Variants in SERPINB2 observed in about 807,000 individuals in gnomAD.
SERPINB2 encodes plasminogen activator inhibitor 2.
In SERPINB2, 28 loss-of-function variants were observed where a neutral mutation model predicts 39.4. The observed-to-expected ratio is 0.71, with a 90% CI of 0.53 to 0.97. The LOEUF (loss-of-function observed/expected upper bound fraction) is 0.97, where lower values mean the gene tolerates loss of function less well. SERPINB2 is among the 50% of genes least tolerant of loss of function. The pLI is 0.00. For missense variants in SERPINB2, 557 were observed against 505.3 expected (o/e 1.10, Z -0.98); for synonymous variants, 209 against 175.1 (o/e 1.19, Z -1.53).
intron 1 of SERPINB2, among the ~76,000 whole-genome samples, chr18:63,888,787 C>A (rs2049907986): frequency 6.6e-6 from 1 of 152,144 alleles, no homozygotes; most frequent in Admixed American, 6.5e-5. Flanking sequence ...TACTATTAAA[C>A]CTTAATTAAG....
intron 5 of SERPINB2, among the ~76,000 whole-genome samples, chr18:63,898,802 G>C (rs1359453736): frequency 1.3e-5 from 2 of 152,160 alleles, no homozygotes; most frequent in African/African-American, 4.8e-5. Context: ...CCTGGGGGGA[G>C]ATTTCCAGAC....
intron 2 of SERPINB2, among the ~76,000 whole-genome samples, chr18:63,893,517 A>G (rs2049940212): frequency 6.6e-6 from 1 of 151,986 alleles, no homozygotes; most frequent in Non-Finnish European, 1.5e-5. Flanking sequence ...TGTTAATATG[A>G]TTGCTTCCCA....
chr18:63,903,309 T>G lies in SERPINB2; in HGVS notation c.*4T>G. Reference sequence around the variant, plus strand: ...CGGCAGATTTTCCTCACCCTAAAACTAAGCGTGCTGCTTCTGCAAAAGATT... The same window carrying G: ...CGGCAGATTTTCCTCACCCTAAAACGAAGCGTGCTGCTTCTGCAAAAGATT... On this transcript the variant is annotated 3_prime_UTR_variant, in exon 8 of 8. Coordinates refer to ENST00000299502, the MANE Select transcript of SERPINB2 (RefSeq NM_002575.3). 6.7e-7 allele frequency: 1 copy of G among 1,483,412 alleles called. No homozygotes were observed. The highest frequency in any genetic ancestry group is 9.0e-7 in the Non-Finnish European group (1 of 1,116,898). 91.9% of individuals were successfully genotyped at this position (1,483,412 alleles called of 1,614,324 possible).
At chr18:63,899,659 C>T (rs573588484) in intron 5 of SERPINB2, among the ~76,000 whole-genome samples, 23 of 152,272 alleles carry the variant, frequency 1.5e-4, no homozygotes, top group South Asian at 8.3e-4. Flanking sequence ...CCACTGGTAG[C>T]GGTAAAGCCA....
Position 63,903,155 on chromosome 18 carries a change from C to T in SERPINB2, c.1098C>T (p.Gly366=), listed in dbSNP as rs928293570. 6.2e-7 allele frequency: 1 copy of T among 1,613,586 alleles called. No homozygotes were observed. The part of the protein sequence containing the change: ...HQAMVDVNEE[G]TEAAAGTGGV... ...CCATGGTGGATGTGAATGAGGAGGG[C>T]ACTGAAGCAGCCGCTGGCACAGGAG... The change falls in exon 8 of 8, where the codon GGC becomes GGT. Residue 366 remains glycine (G), a synonymous_variant. Transcript: ENST00000299502.
At chr18:63,895,099 C>A (rs1394563579) in intron 2 of SERPINB2, among the ~76,000 whole-genome samples, 165 bp from the exon 3 acceptor site, 1 of 152,124 alleles carries the variant, frequency 6.6e-6, no homozygotes, top group Non-Finnish European at 1.5e-5. Flanking sequence ...TTGGCTGATA[C>A]TTTTATATTA....
At chr18:63,902,798 T>C (rs1323620801) in intron 7 of SERPINB2, 103 bp from the exon 8 acceptor site, 25 of 1,275,568 alleles carry the variant, frequency 2.0e-5, no homozygotes, top group Non-Finnish European at 2.5e-5. Context: ...ACCCACAATA[T>C]AGTAAAGTCA....
Position 63,897,780 on chromosome 18 carries a change from C to T in SERPINB2, c.471C>T (p.Asp157=), listed in dbSNP as rs6106. ...ACTCCTCAGAACCCCAGGCAGTAGA[C>T]TTCCTAGAATGTGCAGAAGAAGCTA... ...KYYSSEPQAV[D]FLECAEEARK... Residue 157 remains aspartate (D), a synonymous_variant, in exon 5 of 8, where the codon GAC becomes GAT. Coordinates refer to ENST00000299502, the MANE Select transcript of SERPINB2 (RefSeq NM_002575.3). The T allele has an allele frequency of 0.011, 17,185 of 1,613,330 alleles. 1,524 individuals carry two copies. In the African/African-American group the frequency reaches 0.19, roughly 18 times the overall value.
chr18:63,897,678 T>C (rs1372971339), intron 4 of SERPINB2, 49 bp from the exon 5 acceptor site: 16 of 1,219,334 alleles, frequency 1.3e-5, no homozygotes, highest in Non-Finnish European at 1.9e-5. Flanking sequence ...ATGCCATGGC[T>C]TGTTTGGTAT....
chr18:63,894,374 C>A (rs1324211219), intron 2 of SERPINB2, among the ~76,000 whole-genome samples: 2 of 152,166 alleles, frequency 1.3e-5, no homozygotes, highest in African/African-American at 4.8e-5. Context: ...CTCCTTCTAG[C>A]CCAGAAATTC....
intron 3 of SERPINB2, among the ~76,000 whole-genome samples, chr18:63,896,763 C>T (rs926461669): frequency 6.6e-6 from 1 of 152,126 alleles, no homozygotes; most frequent in African/African-American, 2.4e-5. Context: ...AGAACTTATC[C>T]ATCTTATAAA....
At position 63,903,478 on chromosome 18, in the gene SERPINB2, T is replaced by C. The variant is rs1250930528; in HGVS notation, c.*173T>C. On this transcript the variant is annotated 3_prime_UTR_variant, in exon 8 of 8. Coordinates refer to ENST00000299502, the MANE Select transcript of SERPINB2 (RefSeq NM_002575.3). ...GAAATAATTAGACAATTGTCTATTA[T>C]AACATGACAACCCTATTAATCATTT... is the stretch of plus-strand genomic sequence containing the variant. The C allele has an allele frequency of 1.9e-6, 1 of 523,166 alleles. No homozygotes were observed. The highest frequency in any genetic ancestry group is 3.5e-5 in the East Asian group (1 of 28,456). The allele number at this position is 523,166 out of a possible 1,614,324, so 32.4% of individuals were successfully genotyped here.
At chr18:63,896,255 G>A (rs2049958752) in intron 3 of SERPINB2, among the ~76,000 whole-genome samples, 1 of 152,130 alleles carries the variant, frequency 6.6e-6, no homozygotes, top group South Asian at 2.1e-4. Context: ...CCATCAGGAG[G>A]GCTCTGTCCC....
chr18:63,902,037 G>A (rs2049994883), intron 6 of SERPINB2, among the ~76,000 whole-genome samples, 155 bp downstream of exon 6: 2 of 152,176 alleles, frequency 1.3e-5, no homozygotes, highest in Non-Finnish European at 1.5e-5. Context: ...TATAGGTAAA[G>A]GGGAAGACTG....
intron 3 of SERPINB2, among the ~76,000 whole-genome samples, chr18:63,896,323 A>C (rs537953394): frequency 6.6e-6 from 1 of 152,272 alleles, no homozygotes; most frequent in Admixed American, 6.5e-5. Context: ...GGTGCTTACA[A>C]ACTTCAGTTT....
At chr18:63,901,049 C>A (rs2049988143) in intron 5 of SERPINB2, among the ~76,000 whole-genome samples, 1 of 152,064 alleles carries the variant, frequency 6.6e-6, no homozygotes, top group Non-Finnish European at 1.5e-5. Flanking sequence ...GCTTCTTAAA[C>A]CAATTTCATT....
intron 3 of SERPINB2, among the ~76,000 whole-genome samples, chr18:63,896,816 A>G (rs1169224060): frequency 6.6e-6 from 1 of 152,226 alleles, no homozygotes; most frequent in African/African-American, 2.4e-5. Flanking sequence ...TAGGAAACTG[A>G]GAAGGGGCCT....
rs1599064750 is a variant in SERPINB2 at position 63,901,998 on chromosome 18, T to C, written c.678+116T>C. 2.1e-5 allele frequency: 21 copies of C among 990,754 alleles called. No homozygotes were observed. The East Asian group carries it at 4.3e-4, about 20-fold the overall frequency. 61.4% of individuals were successfully genotyped at this position (990,754 alleles called of 1,614,324 possible). A position where few individuals can be genotyped will look rare whatever the true frequency, so the allele number is the denominator to read the frequency against. On this transcript the variant is annotated intron_variant, in intron 6 of 7. Coordinates refer to ENST00000299502, the MANE Select transcript of SERPINB2 (RefSeq NM_002575.3). ...CTTGCTAGTTAGAAGTTATGCATGT[T>C]GGACAGTTGATTGACTCTTTAGAAA...
chr18:63,903,807 A>G lies in SERPINB2; in HGVS notation c.*502A>G, dbSNP rs2050009983. ...GCAAATATATGTTATGTGCATTTCT[A>G]GAAATACATAACACATATATATGTC... is the stretch of plus-strand genomic sequence containing the variant. On this transcript the variant is annotated 3_prime_UTR_variant, in exon 8 of 8. Transcript: ENST00000299502. 1 of 152,238 alleles carries G rather than the reference A, an allele frequency of 6.6e-6. No individual in the cohort carries two copies. The allele number at this position is 152,238 out of a possible 1,614,324, so 9.4% of individuals were successfully genotyped here.
Sources: allele counts gnomAD v4.1 joint callset (sites outside exome capture counted in the v4.1 genomes callset), GRCh38; gene constraint gnomAD v4.1.1; transcripts MANE v1.5; gene names NCBI Gene and HGNC (gene_info 2026-07-23, HGNC 2026-07-21).